Variants in HSF2BP observed in about 807,000 individuals in gnomAD.
HSF2BP encodes heat shock transcription factor 2 binding protein.
Under a neutral mutation model 35.0 loss-of-function variants are expected in HSF2BP, and 35 were observed. The ratio of observed to expected loss-of-function variants is 1.00; its 90% CI spans 0.76 to 1.32. The LOEUF (loss-of-function observed/expected upper bound fraction) is 1.32. Among genes scored for constraint, HSF2BP ranks in the 40% most tolerant of loss-of-function variants. HSF2BP has a pLI of 0.00. For missense variants in HSF2BP, 326 were observed against 321.7 expected, an observed-to-expected ratio of 1.01 and a Z score of -0.10; for synonymous variants, 114 against 117.4, an observed-to-expected ratio of 0.97 and a Z score of 0.18.
At chr21:43,651,362 A>T (rs1033783511) in intron 3 of HSF2BP, among the ~76,000 whole-genome samples, 2 of 152,146 alleles carry the variant, frequency 1.3e-5, no homozygotes, top group Non-Finnish European at 2.9e-5. Flanking sequence ...ATCATAAATC[A>T]TGACACTTTG....
intron 8 of HSF2BP, among the ~76,000 whole-genome samples, chr21:43,577,269 C>T (rs1025364405): frequency 6.6e-5 from 10 of 152,166 alleles, no homozygotes; most frequent in Admixed American, 5.9e-4. Context: ...AATTATCACG[C>T]CTTCTTTATT....
chr21:43,646,260 A>G (rs564140280), intron 3 of HSF2BP, among the ~76,000 whole-genome samples: 6 of 152,340 alleles, frequency 3.9e-5, no homozygotes, highest in East Asian at 1.9e-4. Context: ...ATTGTGCCAC[A>G]ATGACTTTCA....
chr21:43,658,557 G>C (rs932378861), intron 1 of HSF2BP, among the ~76,000 whole-genome samples: 1 of 152,178 alleles, frequency 6.6e-6, no homozygotes, highest in Admixed American at 6.5e-5. Context: ...ACAACTGAGC[G>C]GAGCAACTGA....
chr21:43,610,038 G>A (rs1037474298), intron 7 of HSF2BP: 6 of 152,400 alleles, frequency 3.9e-5, no homozygotes, highest in African/African-American at 1.4e-4. Context: ...GACTTTAGCT[G>A]GCCCATAAAT....
intron 5 of HSF2BP, among the ~76,000 whole-genome samples, chr21:43,631,633 A>G (rs2082457658): frequency 6.6e-6 from 1 of 152,156 alleles, no homozygotes; most frequent in Admixed American, 6.5e-5. Flanking sequence ...TCCCACCTAC[A>G]GAATGAATCA....
intron 4 of HSF2BP, among the ~76,000 whole-genome samples, chr21:43,639,179 A>T (rs80307673): frequency 0.041 from 6,242 of 152,334 alleles, 438 homozygotes; most frequent in African/African-American, 0.14. Flanking sequence ...TAAATGTAAA[A>T]TGTAAAACTA....
In HSF2BP at chr21:43,584,462, C is replaced by T. The variant is rs555925873; in HGVS notation, c.796+7763G>A. Among the ~76,000 whole-genome samples, 9 of 152,288 alleles carry T rather than the reference C, an allele frequency of 5.9e-5. No individual in the cohort carries two copies. In the South Asian group the frequency reaches 1.9e-3, roughly 32 times the overall value. Reference sequence around the variant, plus strand: ...GGGGCTCCAACTGACTGGATGAGAGCCACCCAACTGGCTGAAGGCAATCTG... The same window carrying T: ...GGGGCTCCAACTGACTGGATGAGAGTCACCCAACTGGCTGAAGGCAATCTG... On this transcript the variant is annotated intron_variant, in intron 8 of 8. Coordinates refer to ENST00000291560, the MANE Select transcript of HSF2BP (RefSeq NM_007031.2).
At position 43,656,605 on chromosome 21, in the gene HSF2BP, A is replaced by T; in HGVS notation, c.169T>A (p.Leu57Ile). 1 of 1,608,014 alleles carries T rather than the reference A, an allele frequency of 6.2e-7. No individual in the cohort carries two copies. The highest frequency in any genetic ancestry group is 1.3e-5 in the African/African-American group (1 of 74,642). The change falls in exon 3 of 9, where the codon TTA becomes ATA. Residue 57 changes from leucine (L) to isoleucine (I), a missense_variant. Physicochemically the swap from Leu to Ile is conservative, Grantham distance 5. Coordinates refer to ENST00000291560, the MANE Select transcript of HSF2BP (RefSeq NM_007031.2). ...NGEVLESFQK[L>I]KIVEKNLERK... ...GACTCACTTTTTTCTACAATCTTTA[A>T]TTTCTGGAAGCTCTCCAGCACCTCC...
At chr21:43,592,803 G>A (rs1271310355) in intron 7 of HSF2BP, among the ~76,000 whole-genome samples, 1 of 152,144 alleles carries the variant, frequency 6.6e-6, no homozygotes, top group Non-Finnish European at 1.5e-5. Flanking sequence ...AAGGAATGAA[G>A]AATACTACAA....
chr21:43,601,084 T>G (rs1342138753), intron 7 of HSF2BP, among the ~76,000 whole-genome samples: 1 of 152,268 alleles, frequency 6.6e-6, no homozygotes, highest in African/African-American at 2.4e-5. Context: ...TTTGTGCTAT[T>G]ACAAACACCA....
At chr21:43,577,927 G>C (rs2081664782) in intron 8 of HSF2BP, among the ~76,000 whole-genome samples, 1 of 151,720 alleles carries the variant, frequency 6.6e-6, no homozygotes, top group African/African-American at 2.4e-5. Context: ...CCGCCCTTGA[G>C]AATGTACTTT....
At chr21:43,591,443 A>G (rs2081924562) in intron 8 of HSF2BP, among the ~76,000 whole-genome samples, 1 of 152,230 alleles carries the variant, frequency 6.6e-6, no homozygotes, top group Non-Finnish European at 1.5e-5. Flanking sequence ...CTGCTGTTTT[A>G]TAAGAGACAA....
At chr21:43,505,874 T>C in the HSF2BP span, among the ~76,000 whole-genome samples, 19 of 132,840 alleles carry the variant, frequency 1.4e-4, 3 homozygotes, top group African/African-American at 5.1e-4. Flanking sequence ...CATTGGGTTG[T>C]AGGTCTTTTT....
intron 7 of HSF2BP, among the ~76,000 whole-genome samples, chr21:43,599,591 C>T (rs1003656739): frequency 1.3e-5 from 2 of 151,904 alleles, no homozygotes. Context: ...GTCAGGAGTT[C>T]GAGACCAGCC....
intron 6 of HSF2BP, among the ~76,000 whole-genome samples, chr21:43,623,787 G>A (rs2082358377): frequency 6.6e-6 from 1 of 152,034 alleles, no homozygotes; most frequent in Non-Finnish European, 1.5e-5. Flanking sequence ...TTCAACAGGT[G>A]ATTCCGCAAA....
intron 8 of HSF2BP, among the ~76,000 whole-genome samples, chr21:43,581,822 C>CGGGAGATGAGGGCCTGCTAA (rs2081737373): frequency 3.0e-5 from 4 of 133,202 alleles, no homozygotes; most frequent in Admixed American, 7.5e-5. Context: ...GTCTGTGCTG[C>CGGGAGATGAGGGCCTGCTAA]GGGAGATGAG....
chr21:43,585,347 G>A (rs574534466), intron 8 of HSF2BP, among the ~76,000 whole-genome samples: 7 of 152,058 alleles, frequency 4.6e-5, no homozygotes, highest in Non-Finnish European at 7.4e-5. Context: ...GTCTCACTCC[G>A]CATTTTGACT....
chr21:43,627,320 T>A (rs1030756585), intron 6 of HSF2BP, among the ~76,000 whole-genome samples: 1 of 152,208 alleles, frequency 6.6e-6, no homozygotes, highest in African/African-American at 2.4e-5. Context: ...TGGAATTATA[T>A]AATTATTATA....
intron 4 of HSF2BP, among the ~76,000 whole-genome samples, chr21:43,635,283 A>G (rs2147033928): frequency 6.6e-6 from 1 of 152,294 alleles, no homozygotes; most frequent in Non-Finnish European, 1.5e-5. Flanking sequence ...ATTCAACACA[A>G]TCCCTATCAA....
Sources: allele counts gnomAD v4.1 joint callset (sites outside exome capture counted in the v4.1 genomes callset), GRCh38; gene constraint gnomAD v4.1.1; transcripts MANE v1.5; gene names NCBI Gene and HGNC (gene_info 2026-07-23, HGNC 2026-07-21).